NCOA2: variants seen among roughly 807,000 people sequenced by gnomAD.
NCOA2 encodes the protein nuclear receptor coactivator 2, also known as class E basic helix-loop-helix protein 75.
A neutral mutation model predicts 145.1 loss-of-function variants in NCOA2; 21 were observed. The observed-to-expected ratio is 0.14, with a 90% CI of 0.10 to 0.21. The LOEUF is 0.21. NCOA2 is among the 10% of genes least tolerant of loss of function. The pLI, the probability that NCOA2 is intolerant of heterozygous loss-of-function variation, is 1.00. For missense variants in NCOA2, 1,472 were observed against 1,837.6 expected (o/e 0.80, Z 3.64); for synonymous variants, 619 against 637.5 (o/e 0.97, Z 0.44).
intron 1 of NCOA2, among the ~76,000 whole-genome samples, chr8:70,369,948 C>A (rs1312936620): frequency 6.6e-6 from 1 of 151,942 alleles, no homozygotes; most frequent in Non-Finnish European, 1.5e-5. Flanking sequence ...GTCGCCCAGG[C>A]TGGAGTGCAG....
chr8:70,165,724 T>A (rs561417586), intron 7 of NCOA2, among the ~76,000 whole-genome samples: 2 of 152,324 alleles, frequency 1.3e-5, no homozygotes, highest in South Asian at 4.1e-4. Context: ...TACCATTGTA[T>A]TTTATCAATT....
chr8:70,174,349 T>TAAA (rs1241983646), intron 5 of NCOA2, among the ~76,000 whole-genome samples: 3 of 152,182 alleles, frequency 2.0e-5, no homozygotes, highest in Non-Finnish European at 4.4e-5. Flanking sequence ...ATAGAAAGCA[T>TAAA]AAAGCTCCTC....
intron 17 of NCOA2, 87 bp from the exon 18 acceptor site, chr8:70,128,597 A>G: frequency 6.3e-7 from 1 of 1,591,824 alleles, no homozygotes; most frequent in Non-Finnish European, 8.6e-7. Context: ...TGCCCTCCCC[A>G]ACCCAGTATC....
intron 1 of NCOA2, among the ~76,000 whole-genome samples, chr8:70,319,343 A>AGT (rs1805863659): frequency 6.6e-6 from 1 of 151,856 alleles, no homozygotes; most frequent in African/African-American, 2.4e-5. Context: ...AGGGTTCGAC[A>AGT]CCAGCCTGAG....
At chr8:70,189,479 AC>A (rs1816443480) in intron 4 of NCOA2, among the ~76,000 whole-genome samples, 2 of 152,176 alleles carry the variant, frequency 1.3e-5, no homozygotes, top group South Asian at 4.1e-4. Context: ...GCAACTGCTG[AC>A]CCATGTAGAC....
Position 70,267,395 on chromosome 8 carries a change from T to G in NCOA2, c.-20+29349A>C, listed in dbSNP as rs940166760. Reference sequence around the variant, plus strand: ...AATAAAGATCTGTTTCCTTTCTGTTTTTTTTTTTTTTTTTTTTCCTTTGAG... The same window carrying G: ...AATAAAGATCTGTTTCCTTTCTGTTGTTTTTTTTTTTTTTTTTCCTTTGAG... On this transcript the variant is annotated intron_variant, in intron 2 of 22. Coordinates refer to ENST00000452400, the MANE Select transcript of NCOA2 (RefSeq NM_006540.4). Among the ~76,000 whole-genome samples, 553 of 128,964 alleles carry G rather than the reference T, an allele frequency of 4.3e-3. 3 individuals carry two copies. The highest frequency in any genetic ancestry group is 0.02 in the African/African-American group (533 of 26,788). The allele number at this position is 128,964 out of a possible 152,430, so 84.6% of individuals were successfully genotyped here.
intron 2 of NCOA2, chr8:70,273,619 C>G: frequency 1.3e-6 from 1 of 743,290 alleles, no homozygotes; most frequent in Middle Eastern, 3.7e-4. Flanking sequence ...TGAACACTTT[C>G]ACCATTACAG....
At chr8:70,413,349 T>A in the NCOA2 span, among the ~76,000 whole-genome samples, 1 of 152,184 alleles carries the variant, frequency 6.6e-6, no homozygotes, top group East Asian at 1.9e-4. Flanking sequence ...TAAATGCATC[T>A]AGGACTCAGT....
intron 13 of NCOA2, 122 bp from the exon 14 acceptor site, chr8:70,141,521 T>A: frequency 1.1e-6 from 1 of 923,282 alleles, no homozygotes. Context: ...AGCCAATAGC[T>A]AATGTTCTCA....
At chr8:70,144,118 A>G (rs905349658) in intron 13 of NCOA2, among the ~76,000 whole-genome samples, 1 of 152,248 alleles carries the variant, frequency 6.6e-6, no homozygotes, top group African/African-American at 2.4e-5. Flanking sequence ...GCAACTTCCT[A>G]CATCTTCAAA....
chr8:70,154,393 A>C (rs1213431954), intron 11 of NCOA2, among the ~76,000 whole-genome samples: 1 of 152,176 alleles, frequency 6.6e-6, no homozygotes, highest in East Asian at 1.9e-4. Flanking sequence ...TGTGGCTGTT[A>C]ATAACCCATG....
chr8:70,348,405 C>A (rs1266589809), intron 1 of NCOA2, among the ~76,000 whole-genome samples: 1 of 152,138 alleles, frequency 6.6e-6, no homozygotes, highest in Non-Finnish European at 1.5e-5. Flanking sequence ...AGAGTTTGTT[C>A]TTATTTTAGC....
intron 13 of NCOA2, among the ~76,000 whole-genome samples, chr8:70,142,694 G>A (rs1289502413): frequency 2.0e-5 from 3 of 151,866 alleles, no homozygotes; most frequent in Non-Finnish European, 2.9e-5. Flanking sequence ...GTAAGACTCT[G>A]TCTCAAAAAT....
chr8:70,225,196 T>C (rs1211866179), intron 2 of NCOA2, among the ~76,000 whole-genome samples: 1 of 151,140 alleles, frequency 6.6e-6, no homozygotes, highest in Admixed American at 6.6e-5. Flanking sequence ...AGGGAGAGGG[T>C]GGGGAATAGT....
intron 2 of NCOA2, among the ~76,000 whole-genome samples, chr8:70,235,210 T>C (rs1821491602): frequency 2.0e-5 from 3 of 152,242 alleles, no homozygotes; most frequent in South Asian, 4.1e-4. Flanking sequence ...AATGAAAGAA[T>C]GATTTCACTA....
At chr8:70,446,459 GT>G in the NCOA2 span, among the ~76,000 whole-genome samples, 1 of 152,086 alleles carries the variant, frequency 6.6e-6, no homozygotes, top group Admixed American at 6.5e-5. Flanking sequence ...TCTTTCTTTT[GT>G]TTCCCTTAGC....
chr8:70,282,754 C>A (rs926654158), intron 2 of NCOA2, among the ~76,000 whole-genome samples: 3 of 150,734 alleles, frequency 2.0e-5, no homozygotes, highest in African/African-American at 7.3e-5. Context: ...ATTTTCCTGT[C>A]AAAAATTCCA....
chr8:70,127,648 T>G (rs934226651), intron 18 of NCOA2, among the ~76,000 whole-genome samples: 1 of 152,180 alleles, frequency 6.6e-6, no homozygotes, highest in Non-Finnish European at 1.5e-5. Context: ...AAGATATCGT[T>G]GATCCTCATT....
chr8:70,338,011 C>T (rs953896094), intron 1 of NCOA2, among the ~76,000 whole-genome samples: 28 of 151,970 alleles, frequency 1.8e-4, no homozygotes, highest in African/African-American at 6.8e-4. Flanking sequence ...TAATAACCTA[C>T]CATCACAACT....
Sources: allele counts gnomAD v4.1 joint callset (sites outside exome capture counted in the v4.1 genomes callset), GRCh38; gene constraint gnomAD v4.1.1; transcripts MANE v1.5; gene names NCBI Gene and HGNC (gene_info 2026-07-23, HGNC 2026-07-21).